The following EGFR variants were observed in gnomAD, a reference collection of about 807,000 sequenced individuals.
EGFR encodes the protein epidermal growth factor receptor.
A neutral mutation model predicts 143.0 loss-of-function variants in EGFR; 58 were observed. The observed-to-expected ratio is 0.41, with a 90% CI of 0.33 to 0.50. The LOEUF is 0.50. Among genes scored for constraint, EGFR ranks in the 20% least tolerant of loss-of-function variants. EGFR has a pLI of 0.39. For missense variants in EGFR, 1,307 were observed against 1,579.0 expected, an observed-to-expected ratio of 0.83 and a Z score of 2.92; for synonymous variants, 613 against 594.4, an observed-to-expected ratio of 1.03 and a Z score of -0.45.
At chr7:55,145,612 C>T (rs1343635976) in intron 3 of EGFR, among the ~76,000 whole-genome samples, 1 of 152,220 alleles carries the variant, frequency 6.6e-6, no homozygotes, top group African/African-American at 2.4e-5. Context: ...TCCTTTCCCA[C>T]GTTGGTACTC....
At position 55,143,379 on chromosome 7, in the gene EGFR, G is replaced by A. The variant is rs141271101; in HGVS notation, c.315G>A (p.Gln105=). Residue 105 remains glutamine, a synonymous_variant, in exon 3 of 28, where the codon CAG becomes CAA. Transcript: ENST00000275493. ...TVERIPLENL[Q]IIRGNMYYEN... is the part of the protein sequence containing the mutation. ...AGCGAATTCCTTTGGAAAACCTGCA[G>A]ATCATCAGAGGAAATATGTACTACG... is the stretch of plus-strand genomic sequence containing the variant. 7.4e-6 allele frequency: 12 copies of A among 1,614,106 alleles called. No homozygotes were observed. The highest frequency in any genetic ancestry group is 9.3e-6 in the Non-Finnish European group (11 of 1,180,056).
In EGFR at chr7:55,207,352, T is replaced by C. The variant is rs1054316267; in HGVS notation, c.*1735T>C. On this transcript the variant is annotated 3_prime_UTR_variant, in exon 28 of 28. Coordinates refer to ENST00000275493, the MANE Select transcript of EGFR (RefSeq NM_005228.5). Reference sequence around the variant, plus strand: ...ATTTCCACTCTATTATGCTCTCAAATACCCCTAAGCATCTATACTAGCCTG... The same window carrying C: ...ATTTCCACTCTATTATGCTCTCAAACACCCCTAAGCATCTATACTAGCCTG... 3 of 227,288 alleles carry C rather than the reference T, an allele frequency of 1.3e-5. No individual in the cohort carries two copies. The highest frequency in any genetic ancestry group is 6.7e-5 in the African/African-American group (3 of 45,038). 14.1% of individuals were successfully genotyped at this position (227,288 alleles called of 1,614,324 possible).
At chr7:55,142,996 ATTCTTTTTAAT>A (rs1389529713) in intron 2 of EGFR, among the ~76,000 whole-genome samples, 1 of 152,196 alleles carries the variant, frequency 6.6e-6, no homozygotes, top group Non-Finnish European at 1.5e-5. Flanking sequence ...ATACAAAGTA[ATTCTTTTTAAT>A]TTCCATTTTC....
intron 1 of EGFR, among the ~76,000 whole-genome samples, chr7:55,057,645 C>G (rs977469963): frequency 6.6e-6 from 1 of 152,004 alleles, no homozygotes; most frequent in East Asian, 1.9e-4. Flanking sequence ...CAGCCTCTTT[C>G]CTTGTTTTGG....
At chr7:55,136,876 A>G (rs1158478148) in intron 1 of EGFR, among the ~76,000 whole-genome samples, 1 of 152,150 alleles carries the variant, frequency 6.6e-6, no homozygotes, top group African/African-American at 2.4e-5. Context: ...TTTGAATCCT[A>G]TCATGTCTAC....
intron 3 of EGFR, 56 bp downstream of exon 3, chr7:55,143,544 T>C (rs2128927719): frequency 6.3e-7 from 1 of 1,595,104 alleles, no homozygotes; most frequent in Non-Finnish European, 8.6e-7. Flanking sequence ...GCAGTTCCGA[T>C]GGCTCCCAGC....
intron 3 of EGFR, 26 bp downstream of exon 3, chr7:55,143,514 G>T (rs2128927647): frequency 6.2e-7 from 1 of 1,613,808 alleles, no homozygotes; most frequent in Non-Finnish European, 8.5e-7. Flanking sequence ...GCCAAGGCTG[G>T]GGGTTCATAA....
rs1269583681 is a variant in EGFR at position 55,142,416 on chromosome 7, T to G, written c.219T>G (p.Asn73Lys). Residue 73 changes from asparagine to lysine, a missense_variant, in exon 2 of 28, where the codon AAT becomes AAG. Asn to Lys is a moderately conservative substitution (Grantham distance 94, BLOSUM62 0). Coordinates refer to ENST00000275493, the MANE Select transcript of EGFR (RefSeq NM_005228.5). ...TGGAAATTACCTATGTGCAGAGGAA[T>G]TATGATCTTTCCTTCTTAAAGGTTG... ...GNLEITYVQRNYDLSFLKTIQ... is the reference protein window; with the variant it reads ...GNLEITYVQRKYDLSFLKTIQ... The G allele has an allele frequency of 6.2e-7, 1 of 1,614,160 alleles. No homozygotes were observed. Among genetic ancestry groups the G allele is most frequent in the Non-Finnish European group, 8.5e-7 (1 of 1,180,022 alleles).
rs150848456 is a variant in EGFR at position 55,098,479 on chromosome 7, C to T, written c.89-43807C>T. The stretch of plus-strand genomic sequence containing the variant: ...TAAATATTTGCTTTAAAAAACTTTA[C>T]TATATGTTGTTAAATGAAAAAAAAA... On this transcript the variant is annotated intron_variant, in intron 1 of 27. Transcript: ENST00000275493. 7.2e-5 allele frequency among the ~76,000 whole-genome samples: 11 copies of T among 152,014 alleles called. No individual in the cohort carries two copies. The East Asian group carries it at 7.7e-4, about 11-fold the overall frequency.
chr7:55,144,640 C>T lies in EGFR; in HGVS notation c.424+1152C>T, dbSNP rs901812088. Reference sequence around the variant, plus strand: ...AAAATTGTGTGGTTCCCCCACACCCCTTGCTGCTCAGAGCAGCCGCGCACA... The same window carrying T: ...AAAATTGTGTGGTTCCCCCACACCCTTTGCTGCTCAGAGCAGCCGCGCACA... On this transcript the variant is annotated intron_variant, in intron 3 of 27. Transcript: ENST00000275493. Among the ~76,000 whole-genome samples, 7 of 152,188 alleles carry T rather than the reference C, an allele frequency of 4.6e-5. 1 individual carries two copies. Among genetic ancestry groups the T allele is most frequent in the Non-Finnish European group, 8.8e-5 (6 of 68,032 alleles).
intron 22 of EGFR, among the ~76,000 whole-genome samples, chr7:55,196,592 C>T (rs1240738774): frequency 1.3e-5 from 2 of 152,112 alleles, no homozygotes; most frequent in African/African-American, 4.8e-5. Context: ...GAAATCTTAG[C>T]CCATTCCTAT....
intron 1 of EGFR, among the ~76,000 whole-genome samples, chr7:55,049,586 C>G (rs929367751): frequency 2.6e-5 from 4 of 152,028 alleles, no homozygotes; most frequent in Non-Finnish European, 5.9e-5. Context: ...GTCTTCTCTC[C>G]TCCTCCTCCC....
intron 1 of EGFR, among the ~76,000 whole-genome samples, chr7:55,133,895 G>A (rs1262579900): frequency 6.6e-6 from 1 of 152,228 alleles, no homozygotes; most frequent in Non-Finnish European, 1.5e-5. Context: ...GTATTATTCA[G>A]TTCAAAAGTA....
At position 55,160,409 on chromosome 7, in the gene EGFR, G is replaced by C. The variant is rs1282785213; in HGVS notation, c.1498+71G>C. On this transcript the variant is annotated intron_variant, in intron 12 of 27. Transcript: ENST00000275493. ...GTCCTTTATTTGTATTTAGAATATT[G>C]AAGGGCTATTCCCATTTAAATTACT... The C allele has an allele frequency of 5.4e-6, 8 of 1,470,416 alleles. No individual in the cohort carries two copies. The African/African-American group carries it at 1.1e-4, about 20-fold the overall frequency. 91.1% of individuals were successfully genotyped at this position (1,470,416 alleles called of 1,614,324 possible).
chr7:55,167,653 G>A (rs930139284), intron 15 of EGFR, among the ~76,000 whole-genome samples: 3 of 150,618 alleles, frequency 2.0e-5, no homozygotes, highest in African/African-American at 7.4e-5. Context: ...TGGTAGTGGC[G>A]ATGATGGTGT....
At chr7:55,069,156 A>G (rs770206941) in intron 1 of EGFR, among the ~76,000 whole-genome samples, 1 of 152,214 alleles carries the variant, frequency 6.6e-6, no homozygotes, top group Middle Eastern at 3.2e-3. Flanking sequence ...ATGCAAATAA[A>G]CCTAGCAAAT....
chr7:55,134,273 C>G (rs998841434), intron 1 of EGFR, among the ~76,000 whole-genome samples: 1 of 148,288 alleles, frequency 6.7e-6, no homozygotes, highest in Non-Finnish European at 1.5e-5. Flanking sequence ...AGGTCCAGTT[C>G]CAGGACTCAG....
chr7:55,041,536 A>G (rs1787902030), intron 1 of EGFR, among the ~76,000 whole-genome samples: 1 of 152,242 alleles, frequency 6.6e-6, no homozygotes. Flanking sequence ...ACTGCATGCC[A>G]CAAACATATA....
chr7:55,109,376 G>A (rs1270209875), intron 1 of EGFR, among the ~76,000 whole-genome samples: 2 of 152,156 alleles, frequency 1.3e-5, no homozygotes, highest in South Asian at 4.1e-4. Flanking sequence ...TGGAAGAATC[G>A]GGTGTTGGGA....
Sources: gnomAD v4.1 joint callset for allele counts (sites outside exome capture counted in the v4.1 genomes callset) on GRCh38, gnomAD v4.1.1 for gene constraint, MANE v1.5 for transcripts, NCBI Gene and HGNC (gene_info 2026-07-23, HGNC 2026-07-21) for gene names.